Variants in SGCE observed in about 807,000 individuals in gnomAD.
SGCE encodes epsilon-sarcoglycan.
Under a neutral mutation model 57.8 loss-of-function variants are expected in SGCE, and 26 were observed. The ratio of observed to expected loss-of-function variants is 0.45; its 90% CI spans 0.33 to 0.62. The LOEUF is 0.62. Ranked by LOEUF, SGCE falls within the 20% of genes least tolerant of loss-of-function variation. The pLI, the probability that SGCE is intolerant of heterozygous loss-of-function variation, is 0.02. For synonymous variants in SGCE, 183 were observed against 189.5 expected (o/e 0.97, Z 0.28); for missense variants, 468 against 548.6 (o/e 0.85, Z 1.47).
chr7:94,588,040 A>AT (rs1797138305), intron 10 of SGCE: 3 of 1,371,550 alleles, frequency 2.2e-6, no homozygotes, highest in Non-Finnish European at 1.9e-6. Context: ...AGAACTAGGA[A>AT]TCAACCACTA....
chr7:94,604,215 C>T (rs912472508), intron 5 of SGCE, among the ~76,000 whole-genome samples: 3 of 152,056 alleles, frequency 2.0e-5, no homozygotes, highest in Non-Finnish European at 2.9e-5. Context: ...ATAGGAATCT[C>T]ATTGGCCTTT....
intron 5 of SGCE, among the ~76,000 whole-genome samples, chr7:94,613,384 G>C (rs1286851251): frequency 6.6e-6 from 1 of 152,104 alleles, no homozygotes; most frequent in Admixed American, 6.6e-5. Context: ...GTGAAAATGA[G>C]AATGATCTTT....
intron 7 of SGCE, chr7:94,600,441 A>C: frequency 1.9e-6 from 1 of 539,986 alleles, no homozygotes; most frequent in Non-Finnish European, 3.3e-6. Context: ...TTTTTGAATA[A>C]AGTAATTATA....
chr7:94,623,982 A>G (rs1448902096), intron 3 of SGCE: 1 of 386,070 alleles, frequency 2.6e-6, no homozygotes. Context: ...CAATCCCTTC[A>G]TACGGGCAAA....
intron 5 of SGCE, among the ~76,000 whole-genome samples, chr7:94,605,396 T>C (rs1799958228): frequency 6.6e-6 from 1 of 152,308 alleles, no homozygotes; most frequent in Non-Finnish European, 1.5e-5. Context: ...TTTTTCTTAA[T>C]TGATCTAACA....
chr7:94,646,074 C>A (rs1487298694), intron 1 of SGCE, among the ~76,000 whole-genome samples: 3 of 152,156 alleles, frequency 2.0e-5, no homozygotes, highest in African/African-American at 7.2e-5. Flanking sequence ...ACTCGTTGTC[C>A]AAGGACTAAA....
intron 1 of SGCE, among the ~76,000 whole-genome samples, chr7:94,633,900 C>G (rs143320599): frequency 5.5e-4 from 84 of 152,312 alleles, no homozygotes; most frequent in Non-Finnish European, 1.0e-3. Context: ...ACAGCCCCTT[C>G]ACTACAAAAA....
chr7:94,586,709 G>T, intron 10 of SGCE: 1 of 316,946 alleles, frequency 3.2e-6, no homozygotes, highest in Non-Finnish European at 4.6e-6. Flanking sequence ...GCCATGTCGG[G>T]CAGGCTGGTC....
At chr7:94,642,143 C>T (rs1344678588) in intron 1 of SGCE, among the ~76,000 whole-genome samples, 1 of 152,110 alleles carries the variant, frequency 6.6e-6, no homozygotes, top group Non-Finnish European at 1.5e-5. Flanking sequence ...TCAAAATCCA[C>T]AGCACCCCCC....
At chr7:94,600,932 T>A in intron 6 of SGCE, 75 bp from the exon 7 acceptor site, 1 of 1,200,830 alleles carries the variant, frequency 8.3e-7, no homozygotes, top group Non-Finnish European at 1.2e-6. Flanking sequence ...CTGGATACAC[T>A]AAAGCATTCT....
rs767137229 is a variant in SGCE, at chr7:94,603,377, C to T, written c.738G>A (p.Leu246=). 9 of 1,612,834 alleles carry T rather than the reference C, an allele frequency of 5.6e-6. No individual in the cohort carries two copies. The Admixed American group carries it at 1.5e-4, about 27-fold the overall frequency. Residue 246 remains leucine (L), a synonymous_variant, in exon 6 of 11, where the codon TTG becomes TTA. Coordinates refer to ENST00000648936, the MANE Select transcript of SGCE (RefSeq NM_003919.3). The part of the protein sequence containing the change: ...LREVENPQNQ[L]RCSQEMEPVI... Reference sequence around the variant, plus strand: ...CAGGCTCCATTTCTTGACTACATCTCAATTGATTCTGTGGATTTTCAACTT... The same window carrying T: ...CAGGCTCCATTTCTTGACTACATCTTAATTGATTCTGTGGATTTTCAACTT...
At chr7:94,606,654 C>T (rs1166964932) in intron 5 of SGCE, among the ~76,000 whole-genome samples, 1 of 152,172 alleles carries the variant, frequency 6.6e-6, no homozygotes, top group Non-Finnish European at 1.5e-5. Context: ...GAGACTACTT[C>T]ATCCAAAAAT....
chr7:94,648,376 C>CAAAAAAAAA (rs71123907), intron 1 of SGCE, among the ~76,000 whole-genome samples: 163 of 65,072 alleles, frequency 2.5e-3, no homozygotes, highest in African/African-American at 7.2e-3. Context: ...ACTCTGTCTC[C>CAAAAAAAAA]AAAAAAAAAA....
intron 1 of SGCE, among the ~76,000 whole-genome samples, chr7:94,643,235 T>C (rs1806637986): frequency 6.6e-6 from 1 of 152,246 alleles, no homozygotes; most frequent in South Asian, 2.1e-4. Flanking sequence ...CTCTTGCTTT[T>C]AGAATCCTAC....
At chr7:94,600,077 G>A (rs1798980295) in intron 7 of SGCE, 1 of 218,576 alleles carries the variant, frequency 4.6e-6, no homozygotes, top group African/African-American at 2.3e-5. Context: ...CTGACTTCCA[G>A]ATAATCTTGG....
At chr7:94,612,283 A>G (rs113937311) in intron 5 of SGCE, among the ~76,000 whole-genome samples, 244 of 152,328 alleles carry the variant, frequency 1.6e-3, no homozygotes, top group African/African-American at 5.6e-3. Flanking sequence ...TAAAACCAGT[A>G]TAAAAACATT....
intron 8 of SGCE, 99 bp from the exon 9 acceptor site, chr7:94,599,062 A>AAG: frequency 2.3e-6 from 2 of 876,460 alleles, no homozygotes; most frequent in Non-Finnish European, 1.8e-6. Flanking sequence ...TATCTTTTAA[A>AAG]ATAATAAGAC....
intron 1 of SGCE, 79 bp downstream of exon 1, chr7:94,655,911 C>T (rs1239676620): frequency 1.1e-6 from 1 of 904,244 alleles, no homozygotes; most frequent in Non-Finnish European, 1.8e-6. Context: ...CGCGCTCAGG[C>T]GCCCGGAACC....
intron 5 of SGCE, 145 bp from the exon 6 acceptor site, chr7:94,603,597 A>G (rs1562812831): frequency 1.4e-6 from 1 of 722,020 alleles, no homozygotes; most frequent in Non-Finnish European, 2.4e-6. Flanking sequence ...CTCTAAAAAC[A>G]ATGATTCATG....
Sources: allele counts gnomAD v4.1 joint callset (sites outside exome capture counted in the v4.1 genomes callset), GRCh38; gene constraint gnomAD v4.1.1; transcripts MANE v1.5; gene names NCBI Gene and HGNC (gene_info 2026-07-23, HGNC 2026-07-21).